MARCHF1: variants seen among roughly 807,000 people sequenced by gnomAD.
MARCHF1 encodes the protein membrane associated ring-CH-type finger 1.
A neutral mutation model predicts 54.2 loss-of-function variants in MARCHF1; 40 were observed. The ratio of observed to expected loss-of-function variants is 0.74; its 90% confidence interval spans 0.57 to 0.96. MARCHF1 has a LOEUF of 0.96. Ranked by LOEUF, MARCHF1 falls within the 40% of genes least tolerant of loss-of-function variation. The pLI, the probability that MARCHF1 is intolerant of heterozygous loss-of-function variation, is 0.00. For missense variants in MARCHF1, 586 were observed against 656.5 expected, an observed-to-expected ratio of 0.89 and a Z score of 1.17; for synonymous variants, 236 against 236.3, an observed-to-expected ratio of 1.00 and a Z score of 0.01.
At chr4:164,185,810 A>C (rs1579604281) in intron 1 of MARCHF1, among the ~76,000 whole-genome samples, 3 of 64,814 alleles carry the variant, frequency 4.6e-5, no homozygotes, top group African/African-American at 1.4e-4. Context: ...ACACACACAC[A>C]AAAAAAAAAA....
At chr4:164,025,400 C>CA (rs1753744994) in intron 2 of MARCHF1, among the ~76,000 whole-genome samples, 1 of 151,770 alleles carries the variant, frequency 6.6e-6, no homozygotes. Flanking sequence ...TCTCAGAACA[C>CA]AAAAAAATAA....
In MARCHF1 at chr4:163,649,916, T is replaced by C. The variant is rs148343044; in HGVS notation, c.163-36523A>G. Reference sequence around the variant, plus strand: ...GATTACTAGAGACAAAAATATGTACTACCATTTACATTTATGAGAAGGTGA... The same window carrying C: ...GATTACTAGAGACAAAAATATGTACCACCATTTACATTTATGAGAAGGTGA... On this transcript the variant is annotated intron_variant, in intron 5 of 9. Transcript: ENST00000514618. Among the ~76,000 whole-genome samples the C allele has an allele frequency of 4.1e-4, 62 of 152,090 alleles. No homozygotes were observed. The East Asian group carries it at 0.011, about 27-fold the overall frequency.
intron 1 of MARCHF1, among the ~76,000 whole-genome samples, chr4:164,296,102 T>A (rs1183943794): frequency 3.3e-5 from 5 of 152,208 alleles, no homozygotes; most frequent in Non-Finnish European, 7.3e-5. Flanking sequence ...AGAATAATTT[T>A]GAAATTTTCA....
chr4:164,075,576 G>A (rs2321210), intron 2 of MARCHF1, among the ~76,000 whole-genome samples: 123,340 of 152,148 alleles, frequency 0.81, 50,420 homozygotes, highest in Non-Finnish European at 0.85. Flanking sequence ...AATGTTGTAC[G>A]TCATTAAAGT....
chr4:164,013,802 A>G (rs1165562023), intron 2 of MARCHF1, among the ~76,000 whole-genome samples: 1 of 152,198 alleles, frequency 6.6e-6, no homozygotes, highest in East Asian at 1.9e-4. Context: ...AACACAAACT[A>G]GAAATAAAGA....
intron 5 of MARCHF1, among the ~76,000 whole-genome samples, chr4:163,650,516 T>C (rs150902688): frequency 4.9e-4 from 75 of 152,042 alleles, no homozygotes; most frequent in African/African-American, 1.7e-3. Context: ...CTGCCTGCAT[T>C]ATATGTGACG....
chr4:163,955,227 A>G (rs1234330169), intron 3 of MARCHF1, among the ~76,000 whole-genome samples: 2 of 150,950 alleles, frequency 1.3e-5, no homozygotes, highest in Admixed American at 1.3e-4. Flanking sequence ...AAAAAAAAAA[A>G]AAGAAAAGAA....
intron 8 of MARCHF1, among the ~76,000 whole-genome samples, chr4:163,574,552 C>T (rs13122596): frequency 0.42 from 51,586 of 123,466 alleles, 10,804 homozygotes; most frequent in East Asian, 0.47. Context: ...GTTTTCCCAG[C>T]ACCATTGATT....
intron 1 of MARCHF1, among the ~76,000 whole-genome samples, chr4:164,370,274 C>T (rs1730999392): frequency 1.3e-5 from 2 of 152,198 alleles, no homozygotes; most frequent in Non-Finnish European, 2.9e-5. Flanking sequence ...GTAGTTATCT[C>T]TACCACCCCT....
intron 1 of MARCHF1, among the ~76,000 whole-genome samples, chr4:164,298,179 A>G (rs1734460062): frequency 6.6e-6 from 1 of 152,196 alleles, no homozygotes; most frequent in South Asian, 2.1e-4. Flanking sequence ...TTTTCTTTAC[A>G]AACTGCCCAC....
intron 2 of MARCHF1, among the ~76,000 whole-genome samples, chr4:164,035,834 G>A (rs1334395787): frequency 2.7e-5 from 4 of 150,520 alleles, no homozygotes; most frequent in Non-Finnish European, 4.4e-5. Flanking sequence ...TAATCTCAGC[G>A]CTTTGGGAGG....
chr4:164,166,559 T>C (rs966941), intron 1 of MARCHF1, among the ~76,000 whole-genome samples: 28,751 of 151,838 alleles, frequency 0.19, 4,373 homozygotes, highest in African/African-American at 0.41. Flanking sequence ...TGGAGAACAA[T>C]GGAAAGCTTT....
chr4:164,168,068 G>A (rs1375814953), intron 1 of MARCHF1, among the ~76,000 whole-genome samples: 1 of 151,824 alleles, frequency 6.6e-6, no homozygotes, highest in East Asian at 1.9e-4. Flanking sequence ...TTTACAACTC[G>A]ATAGCAAAAA....
chr4:164,198,165 T>C (rs1265547029), intron 1 of MARCHF1, among the ~76,000 whole-genome samples: 1 of 152,214 alleles, frequency 6.6e-6, no homozygotes, highest in East Asian at 1.9e-4. Context: ...AGACATATTT[T>C]GGTGAGATCT....
chr4:163,878,008 G>A (rs1233099683), intron 3 of MARCHF1, among the ~76,000 whole-genome samples: 2 of 152,164 alleles, frequency 1.3e-5, no homozygotes, highest in Non-Finnish European at 1.5e-5. Flanking sequence ...TTCGTGAGAC[G>A]TTTCTCAAGC....
intron 4 of MARCHF1, among the ~76,000 whole-genome samples, chr4:163,771,064 A>G (rs1056758087): frequency 6.6e-6 from 1 of 152,176 alleles, no homozygotes; most frequent in African/African-American, 2.4e-5. Flanking sequence ...TATATTTTTT[A>G]TAGAAAAATA....
intron 1 of MARCHF1, among the ~76,000 whole-genome samples, chr4:164,364,016 C>T (rs1472160019): frequency 6.6e-6 from 1 of 151,746 alleles, no homozygotes; most frequent in Non-Finnish European, 1.5e-5. Context: ...TTTTTGTCGT[C>T]CATTATTTAG....
At chr4:163,684,133 C>T (rs1286630593) in intron 5 of MARCHF1, among the ~76,000 whole-genome samples, 1 of 152,130 alleles carries the variant, frequency 6.6e-6, no homozygotes, top group African/African-American at 2.4e-5. Context: ...CCACGTAGTA[C>T]CTCTTAAGCC....
At chr4:163,893,019 C>A (rs576320922) in intron 3 of MARCHF1, among the ~76,000 whole-genome samples, 9 of 151,474 alleles carry the variant, frequency 5.9e-5, no homozygotes, top group East Asian at 3.9e-4. Flanking sequence ...CAAAACGGAT[C>A]TTTTATAAAG....
Sources: gnomAD v4.1 joint callset for allele counts (sites outside exome capture counted in the v4.1 genomes callset) on GRCh38, gnomAD v4.1.1 for gene constraint, MANE v1.5 for transcripts, NCBI Gene and HGNC (gene_info 2026-07-23, HGNC 2026-07-21) for gene names.